The following AGBL1 variants were observed in gnomAD, a reference collection of about 807,000 sequenced individuals.
The protein encoded by AGBL1 is cytosolic carboxypeptidase 4.
AGBL1 carries 130 observed loss-of-function variants against 118.9 expected under a neutral mutation model. The ratio of observed to expected loss-of-function variants is 1.09; its 90% confidence interval spans 0.95 to 1.26. AGBL1 has a LOEUF of 1.26. AGBL1 is among the 50% of genes most tolerant of loss of function. AGBL1 has a pLI of 0.00. For missense variants in AGBL1, 1,584 were observed against 1,298.1 expected, an observed-to-expected ratio of 1.22 and a Z score of -3.38; for synonymous variants, 555 against 478.9, an observed-to-expected ratio of 1.16 and a Z score of -2.08.
chr15:86,170,782 G>A (rs1049758497), intron 5 of AGBL1, among the ~76,000 whole-genome samples: 1 of 151,598 alleles, frequency 6.6e-6, no homozygotes, highest in East Asian at 1.9e-4. Flanking sequence ...GTGGATGAAT[G>A]TTGCAGTGAG....
intron 23 of AGBL1, among the ~76,000 whole-genome samples, chr15:86,976,804 A>G (rs995708622): frequency 2.6e-5 from 4 of 152,054 alleles, no homozygotes; most frequent in African/African-American, 9.6e-5. Context: ...ATATGCTCAT[A>G]TATTTATTCG....
chr15:86,247,851 G>C lies in AGBL1; in HGVS notation c.707G>C (p.Gly236Ala), dbSNP rs777188465. ...AGGGAGGCCTTCCTGGCAGCACAGG[G>C]CATGGAGATCCTCTTCAGCACCACA... is the stretch of plus-strand genomic sequence containing the variant. ...SGREAFLAAQ[G>A]MEILFSTTQN... The change falls in exon 7 of 23, where the codon GGC becomes GCC. Residue 236 changes from glycine to alanine, a missense_variant. Gly to Ala is a moderately conservative substitution (Grantham distance 60, BLOSUM62 0). Transcript: ENST00000614907. 6.2e-7 allele frequency: 1 copy of C among 1,613,782 alleles called. No homozygotes were observed. The highest frequency in any genetic ancestry group is 8.5e-7 in the Non-Finnish European group (1 of 1,179,908).
At chr15:86,538,256 T>G (rs2083451776) in intron 19 of AGBL1, among the ~76,000 whole-genome samples, 2 of 152,190 alleles carry the variant, frequency 1.3e-5, no homozygotes, top group African/African-American at 4.8e-5. Flanking sequence ...TAAGTGAAAG[T>G]CTGAGTCTCT....
chr15:86,606,402 T>C (rs770704719), intron 21 of AGBL1, among the ~76,000 whole-genome samples: 41 of 152,152 alleles, frequency 2.7e-4, no homozygotes, highest in Admixed American at 2.0e-3. Context: ...GACAGAGAGA[T>C]GGCCAAAATT....
At chr15:86,994,170 G>A (rs1441618889) in intron 24 of AGBL1, among the ~76,000 whole-genome samples, 3 of 152,074 alleles carry the variant, frequency 2.0e-5, no homozygotes, top group Non-Finnish European at 4.4e-5. Context: ...TGGGAAATTT[G>A]TCTTTCAAAT....
chr15:86,872,751 GT>G (rs1450035294), intron 22 of AGBL1, among the ~76,000 whole-genome samples: 1 of 152,100 alleles, frequency 6.6e-6, no homozygotes, highest in African/African-American at 2.4e-5. Flanking sequence ...GTGAGACTCC[GT>G]CTATAAATAA....
At chr15:86,454,308 C>CCA (rs2082234452) in intron 18 of AGBL1, among the ~76,000 whole-genome samples, 2 of 152,178 alleles carry the variant, frequency 1.3e-5, no homozygotes, top group Admixed American at 1.3e-4. Context: ...GATTGGAACT[C>CCA]TCTTACGTGG....
intron 22 of AGBL1, among the ~76,000 whole-genome samples, chr15:86,739,750 A>G (rs1437869620): frequency 2.0e-5 from 3 of 152,124 alleles, no homozygotes; most frequent in African/African-American, 4.8e-5. Flanking sequence ...TCAAAACCCT[A>G]ATGCACTGGA....
chr15:86,366,070 A>G (rs1596021672), intron 17 of AGBL1, among the ~76,000 whole-genome samples: 1 of 152,082 alleles, frequency 6.6e-6, no homozygotes, highest in African/African-American at 2.4e-5. Flanking sequence ...GGCAGCAAAT[A>G]TTTTCATAAA....
At position 86,685,011 on chromosome 15, in the gene AGBL1, G is replaced by A. The variant is rs558676865; in HGVS notation, c.3158+10575G>A. 2.0e-5 allele frequency among the ~76,000 whole-genome samples: 3 copies of A among 152,256 alleles called. No homozygotes were observed. In the South Asian group the frequency reaches 6.2e-4, roughly 32 times the overall value. On this transcript the variant is annotated intron_variant, in intron 22 of 22. Coordinates refer to ENST00000614907, the MANE Select transcript of AGBL1 (RefSeq NM_001386094.1). ...TTACTAGTGCATGGGTAACAGAAAG[G>A]AGTTGTAAACAAGCAATGAGAAAAA...
chr15:86,618,696 A>G (rs937704514), intron 21 of AGBL1, among the ~76,000 whole-genome samples: 2 of 152,212 alleles, frequency 1.3e-5, no homozygotes, highest in Admixed American at 1.3e-4. Flanking sequence ...ATGCAGATTT[A>G]TTTGATCCTA....
At chr15:86,812,681 C>A (rs1567185670) in intron 22 of AGBL1, among the ~76,000 whole-genome samples, 1 of 152,154 alleles carries the variant, frequency 6.6e-6, no homozygotes, top group East Asian at 1.9e-4. Context: ...CACACAGATC[C>A]CCCTGCCTTG....
At chr15:86,825,629 AAAAG>A (rs1331992234) in intron 22 of AGBL1, among the ~76,000 whole-genome samples, 2 of 148,666 alleles carry the variant, frequency 1.3e-5, no homozygotes, top group Non-Finnish European at 1.5e-5. Context: ...GGAAAATAAA[AAAAG>A]GAAGGAAGGA....
At chr15:86,829,470 C>G (rs1354736105) in intron 22 of AGBL1, among the ~76,000 whole-genome samples, 1 of 152,110 alleles carries the variant, frequency 6.6e-6, no homozygotes, top group East Asian at 1.9e-4. Context: ...GTTTCTCTGA[C>G]AAGCCCTAAT....
At chr15:86,400,707 A>T (rs113331975) in intron 18 of AGBL1, among the ~76,000 whole-genome samples, 1,840 of 151,530 alleles carry the variant, frequency 0.012, 22 homozygotes, top group Non-Finnish European at 0.018. Context: ...AACATATGAT[A>T]TTTGATTTTC....
chr15:86,361,412 CTTCTA>C (rs1327808199), intron 17 of AGBL1, among the ~76,000 whole-genome samples: 2 of 152,130 alleles, frequency 1.3e-5, no homozygotes, highest in Middle Eastern at 3.4e-3. Context: ...AGAAGAAAGT[CTTCTA>C]TTCTGCTCTT....
At chr15:87,014,250 A>C (rs2081588442) in intron 24 of AGBL1, among the ~76,000 whole-genome samples, 1 of 146,004 alleles carries the variant, frequency 6.8e-6, no homozygotes. Context: ...ATGTTTTCAC[A>C]AAGAAGGCTG....
intron 22 of AGBL1, among the ~76,000 whole-genome samples, chr15:86,767,386 C>G (rs976397741): frequency 1.3e-5 from 2 of 151,830 alleles, no homozygotes; most frequent in Non-Finnish European, 2.9e-5. Flanking sequence ...GACTTTTTCC[C>G]TCTTTGCTTG....
At chr15:86,735,842 CA>C (rs1347154213) in intron 22 of AGBL1, among the ~76,000 whole-genome samples, 2 of 152,010 alleles carry the variant, frequency 1.3e-5, no homozygotes, top group African/African-American at 4.8e-5. Flanking sequence ...TAAACAGTAG[CA>C]GGGGTGCCGT....
Sources: gnomAD v4.1 joint callset for allele counts (sites outside exome capture counted in the v4.1 genomes callset) on GRCh38, gnomAD v4.1.1 for gene constraint, MANE v1.5 for transcripts, NCBI Gene and HGNC (gene_info 2026-07-23, HGNC 2026-07-21) for gene names.